KIAA1671: variants seen among roughly 807,000 people sequenced by gnomAD.
KIAA1671 encodes uncharacterized protein KIAA1671.
A neutral mutation model predicts 131.2 loss-of-function variants in KIAA1671; 52 were observed. The observed-to-expected ratio is 0.40, with a 90% CI of 0.32 to 0.50. The LOEUF is 0.50. Ranked by LOEUF, KIAA1671 falls within the 20% of genes least tolerant of loss-of-function variation. KIAA1671 has a pLI of 0.73. For synonymous variants in KIAA1671, 1,003 were observed against 961.6 expected (o/e 1.04, Z -0.80); for missense variants, 2,360 against 2,364.2 (o/e 1.00, Z 0.04).
At chr22:25,127,401 T>G (rs1932234267) in intron 6 of KIAA1671, among the ~76,000 whole-genome samples, 1 of 152,212 alleles carries the variant, frequency 6.6e-6, no homozygotes, top group African/African-American at 2.4e-5. Flanking sequence ...TGGTGCCATT[T>G]TCTCTCCAGA....
intron 1 of KIAA1671, chr22:25,023,377 TAAAAA>T (rs1469161978): frequency 2.0e-5 from 3 of 151,664 alleles, no homozygotes; most frequent in Admixed American, 2.0e-4. Flanking sequence ...AATATAAAAA[TAAAAA>T]ATAAAATAAA....
intron 1 of KIAA1671, among the ~76,000 whole-genome samples, chr22:24,996,411 G>A (rs1687510271): frequency 6.6e-6 from 1 of 152,208 alleles, no homozygotes; most frequent in African/African-American, 2.4e-5. Flanking sequence ...TGGCCCCTGG[G>A]TTGGCCACTG....
intron 1 of KIAA1671, among the ~76,000 whole-genome samples, chr22:24,976,772 G>A (rs773527847): frequency 2.0e-5 from 3 of 152,206 alleles, no homozygotes; most frequent in Admixed American, 6.5e-5. Context: ...CAGGAGTCTC[G>A]TGCAAGAGAC....
At chr22:25,070,221 T>C in intron 6 of KIAA1671, 1 of 397,568 alleles carries the variant, frequency 2.5e-6, no homozygotes, top group Non-Finnish European at 4.5e-6. Flanking sequence ...GCCGACTGGC[T>C]GGTCCCCTGG....
At position 25,028,232 on chromosome 22, in the gene KIAA1671, A is replaced by T; in HGVS notation, c.233A>T (p.Lys78Ile). 6.4e-7 allele frequency: 1 copy of T among 1,551,442 alleles called. No homozygotes were observed. The highest frequency in any genetic ancestry group is 8.7e-7 in the Non-Finnish European group (1 of 1,146,904). The change falls in exon 3 of 13, where the codon AAA becomes ATA. Residue 78 changes from lysine (K) to isoleucine (I), a missense_variant. Lys to Ile is a moderately radical substitution (Grantham distance 102). Coordinates refer to ENST00000358431, the MANE Select transcript of KIAA1671 (RefSeq NM_001145206.2). ...CCCTTCTCGAAGGAGCAGGACGTGA[A>T]ATCTCCTGTCCCGTCTCTGCGGCCC... ...PKPFSKEQDV[K>I]SPVPSLRPSS...
At chr22:25,131,886 G>A (rs372495690) in intron 6 of KIAA1671, among the ~76,000 whole-genome samples, 5 of 152,322 alleles carry the variant, frequency 3.3e-5, no homozygotes, top group East Asian at 3.9e-4. Context: ...GGGGATGGCC[G>A]GGGCATAACC....
intron 1 of KIAA1671, among the ~76,000 whole-genome samples, chr22:24,979,513 C>T (rs1200799650): frequency 1.3e-5 from 2 of 151,250 alleles, no homozygotes; most frequent in Non-Finnish European, 2.9e-5. Context: ...CCGCGCCCGG[C>T]TAATTTTTTG....
At chr22:25,001,115 A>G (rs1014123025) in intron 1 of KIAA1671, among the ~76,000 whole-genome samples, 4 of 151,568 alleles carry the variant, frequency 2.6e-5, no homozygotes, top group Non-Finnish European at 4.4e-5. Context: ...ATTGATTTAT[A>G]GTTCTTTATA....
intron 11 of KIAA1671, among the ~76,000 whole-genome samples, chr22:25,189,151 G>GT (rs1194421590): frequency 3.5e-5 from 3 of 84,634 alleles, no homozygotes; most frequent in Admixed American, 2.6e-4. Context: ...TTTTTGTTTT[G>GT]TTTTTTTGTT....
At chr22:25,130,384 G>A (rs755624890) in intron 6 of KIAA1671, among the ~76,000 whole-genome samples, 5 of 152,134 alleles carry the variant, frequency 3.3e-5, no homozygotes, top group Non-Finnish European at 5.9e-5. Context: ...TGAATGAGTA[G>A]GTTAAAGAAT....
chr22:25,034,048 G>GT (rs35842433), intron 4 of KIAA1671, among the ~76,000 whole-genome samples: 12,502 of 130,724 alleles, frequency 0.096, 1,703 homozygotes, highest in African/African-American at 0.31. Flanking sequence ...ATGCCACTTT[G>GT]TTTTTTTTTT....
At chr22:25,030,138 G>A (rs1388295817) in intron 3 of KIAA1671, among the ~76,000 whole-genome samples, 1 of 152,198 alleles carries the variant, frequency 6.6e-6, no homozygotes, top group African/African-American at 2.4e-5. Flanking sequence ...GGTTAATACC[G>A]ATGTTGTCAA....
At chr22:25,084,028 C>T (rs1004350383) in intron 6 of KIAA1671, among the ~76,000 whole-genome samples, 2 of 152,234 alleles carry the variant, frequency 1.3e-5, no homozygotes, top group African/African-American at 4.8e-5. Flanking sequence ...GACAAAGCGG[C>T]GGCCTGCCAC....
chr22:25,038,627 T>G, intron 4 of KIAA1671, 133 bp from the exon 5 acceptor site: 19 of 943,334 alleles, frequency 2.0e-5, no homozygotes, highest in Non-Finnish European at 2.9e-5. Flanking sequence ...ACTGGGTGTG[T>G]TCATTCTTTT....
intron 1 of KIAA1671, among the ~76,000 whole-genome samples, chr22:25,005,443 G>A (rs1056542926): frequency 2.0e-5 from 3 of 151,962 alleles, no homozygotes; most frequent in Non-Finnish European, 4.4e-5. Flanking sequence ...CCTAGTGCTT[G>A]TATGCTAGTT....
chr22:25,102,602 C>A (rs746304069), intron 6 of KIAA1671: 2 of 152,150 alleles, frequency 1.3e-5, no homozygotes, highest in Non-Finnish European at 2.9e-5. Context: ...ACCACCATGC[C>A]TGGCTAATTT....
At chr22:25,000,833 A>C (rs1924427867) in intron 1 of KIAA1671, among the ~76,000 whole-genome samples, 1 of 150,088 alleles carries the variant, frequency 6.7e-6, no homozygotes. Flanking sequence ...TTTTTTGAAC[A>C]GAGACAGGTT....
Position 25,040,133 on chromosome 22 carries a change from G to A in KIAA1671, c.3003G>A (p.Glu1001=), listed in dbSNP as rs965213420. The A allele has an allele frequency of 3.2e-6, 5 of 1,551,586 alleles. No individual in the cohort carries two copies. In the Admixed American group the frequency reaches 7.8e-5, roughly 24 times the overall value. Reference sequence around the variant, plus strand: ...CCCACTACAGGGTGGAGACCCAGGAGGTGAACCCAGGTGCTTCACGGGACC... The same window carrying A: ...CCCACTACAGGGTGGAGACCCAGGAAGTGAACCCAGGTGCTTCACGGGACC... The part of the protein sequence containing the change: ...QLSHYRVETQ[E]VNPGASRDQT... The change falls in exon 5 of 13, where the codon GAG becomes GAA. Residue 1001 remains glutamate (E), a synonymous_variant. Coordinates refer to ENST00000358431, the MANE Select transcript of KIAA1671 (RefSeq NM_001145206.2).
chr22:25,051,237 AC>A (rs1927516291), intron 6 of KIAA1671: 2 of 152,440 alleles, frequency 1.3e-5, no homozygotes, highest in Admixed American at 1.3e-4. Flanking sequence ...GGGAGTGGCC[AC>A]AAGGAGGAGG....
Sources: gnomAD v4.1 joint callset for allele counts (sites outside exome capture counted in the v4.1 genomes callset) on GRCh38, gnomAD v4.1.1 for gene constraint, MANE v1.5 for transcripts, NCBI Gene and HGNC (gene_info 2026-07-23, HGNC 2026-07-21) for gene names.